The following ITPR2 variants were observed in gnomAD, a reference collection of about 807,000 sequenced individuals.
The protein encoded by ITPR2 is inositol 1,4,5-trisphosphate-gated calcium channel ITPR2.
Under a neutral mutation model 317.1 loss-of-function variants are expected in ITPR2, and 207 were observed. That is an observed-to-expected ratio of 0.65 (90% confidence interval 0.58 to 0.73). The LOEUF is 0.73. Among genes scored for constraint, ITPR2 ranks in the 30% least tolerant of loss-of-function variants. ITPR2 has a pLI of 0.00. For synonymous variants in ITPR2, 1,156 were observed against 1,149.1 expected, an observed-to-expected ratio of 1.01 and a Z score of -0.12; for missense variants, 2,613 against 3,284.0, an observed-to-expected ratio of 0.80 and a Z score of 4.99.
intron 37 of ITPR2, among the ~76,000 whole-genome samples, chr12:26,497,498 T>C (rs902388212): frequency 2.3e-4 from 8 of 34,620 alleles, no homozygotes; most frequent in Non-Finnish European, 5.5e-4. Flanking sequence ...TCAATTGTTT[T>C]AGGCACCATT....
chr12:26,639,159 C>A (rs1261390041), intron 21 of ITPR2, among the ~76,000 whole-genome samples: 1 of 152,092 alleles, frequency 6.6e-6, no homozygotes, highest in African/African-American at 2.4e-5. Context: ...GATGTGCTAG[C>A]CATTTTCAAG....
chr12:26,651,966 T>A (rs941713688), intron 21 of ITPR2, among the ~76,000 whole-genome samples: 1 of 152,218 alleles, frequency 6.6e-6, no homozygotes, highest in South Asian at 2.1e-4. Context: ...ACCTTGTTCA[T>A]CCCTAGAAGC....
intron 54 of ITPR2, among the ~76,000 whole-genome samples, chr12:26,393,869 A>G (rs1162468755): frequency 6.6e-6 from 1 of 152,226 alleles, no homozygotes; most frequent in Non-Finnish European, 1.5e-5. Flanking sequence ...AGTATATACA[A>G]TCTCAATATT....
chr12:26,703,875 G>C (rs891598318), intron 9 of ITPR2, among the ~76,000 whole-genome samples: 1 of 152,302 alleles, frequency 6.6e-6, no homozygotes, highest in East Asian at 1.9e-4. Context: ...TTTCATTGCA[G>C]GGAACAAAAT....
chr12:26,487,106 T>C lies in ITPR2; in HGVS notation c.5516A>G (p.Asp1839Gly). Reference sequence around the variant, plus strand: ...ACCAGATGTCATCAATTCATTGTCATCGTCCCTTTTTTTGTTACCTAAATC... The same window carrying C: ...ACCAGATGTCATCAATTCATTGTCACCGTCCCTTTTTTTGTTACCTAAATC... Reference protein sequence around the residue: ...TIDLGNKKRDDDNELMTSGPR... With the variant: ...TIDLGNKKRDGDNELMTSGPR... Residue 1839 changes from aspartate to glycine, a missense_variant, in exon 40 of 57, where the codon GAT (aspartate) becomes GGT (glycine). Asp to Gly is a moderately conservative substitution (Grantham distance 94). Coordinates refer to ENST00000381340, the MANE Select transcript of ITPR2 (RefSeq NM_002223.4). 2 of 1,612,396 alleles carry C rather than the reference T, an allele frequency of 1.2e-6. No homozygotes were observed. Among genetic ancestry groups the C allele is most frequent in the Non-Finnish European group, 1.7e-6 (2 of 1,179,506 alleles).
intron 14 of ITPR2, among the ~76,000 whole-genome samples, chr12:26,664,131 AT>A (rs1361920370): frequency 6.6e-6 from 1 of 152,198 alleles, no homozygotes; most frequent in African/African-American, 2.4e-5. Flanking sequence ...AAGATGTTCA[AT>A]TTCACCAAGT....
Position 26,508,077 on chromosome 12 carries a change from C to A in ITPR2, c.5074-12817G>T, listed in dbSNP as rs140316338. ...AACACTGAGCAAGCACATCTCTTTTCTGCTTTATTTCATTGATTCTAACAC... is the reference window on the plus strand; with the variant it reads ...AACACTGAGCAAGCACATCTCTTTTATGCTTTATTTCATTGATTCTAACAC... On this transcript the variant is annotated intron_variant, in intron 37 of 56. Transcript: ENST00000381340. Among the ~76,000 whole-genome samples, 67 of 152,210 alleles carry A rather than the reference C, an allele frequency of 4.4e-4. 1 individual carries two copies. Among genetic ancestry groups the A allele is most frequent in the African/African-American group, 1.5e-3 (62 of 41,534 alleles).
intron 45 of ITPR2, among the ~76,000 whole-genome samples, chr12:26,469,387 A>T (rs1246297361): frequency 1.3e-5 from 2 of 152,136 alleles, no homozygotes; most frequent in African/African-American, 2.4e-5. Flanking sequence ...AAATATGCCA[A>T]GTTCATTGCC....
intron 26 of ITPR2, among the ~76,000 whole-genome samples, chr12:26,611,659 T>C (rs998575339): frequency 3.9e-5 from 6 of 152,034 alleles, no homozygotes; most frequent in African/African-American, 1.4e-4. Context: ...AGAAACAAAA[T>C]CACTGTAAGA....
intron 26 of ITPR2, among the ~76,000 whole-genome samples, chr12:26,618,925 TACAG>T (rs1946432103): frequency 6.6e-6 from 1 of 152,208 alleles, no homozygotes; most frequent in African/African-American, 2.4e-5. Context: ...GTTTTAGAAA[TACAG>T]ACACATGGTA....
intron 2 of ITPR2, among the ~76,000 whole-genome samples, chr12:26,783,402 C>A (rs1452248278): frequency 1.3e-5 from 2 of 152,310 alleles, no homozygotes; most frequent in East Asian, 3.9e-4. Context: ...TCCCTCCACC[C>A]TCCAGGAAAT....
At chr12:26,617,322 T>C (rs1946393233) in intron 26 of ITPR2, among the ~76,000 whole-genome samples, 2 of 152,144 alleles carry the variant, frequency 1.3e-5, no homozygotes, top group Admixed American at 6.5e-5. Context: ...GCCAATAAAT[T>C]CGAAGATTTC....
intron 21 of ITPR2, among the ~76,000 whole-genome samples, chr12:26,640,334 G>A (rs116280706): frequency 3.8e-4 from 58 of 151,318 alleles, no homozygotes; most frequent in African/African-American, 1.0e-3. Context: ...GTAACAAACC[G>A]CTACGTCCTA....
At chr12:26,535,943 C>T (rs547324779) in intron 37 of ITPR2, among the ~76,000 whole-genome samples, 2 of 152,254 alleles carry the variant, frequency 1.3e-5, no homozygotes, top group South Asian at 2.1e-4. Flanking sequence ...CGTCCATGAT[C>T]GAAGAACAAA....
At chr12:26,499,535 A>G (rs1026016359) in intron 37 of ITPR2, among the ~76,000 whole-genome samples, 2 of 152,222 alleles carry the variant, frequency 1.3e-5, no homozygotes, top group African/African-American at 4.8e-5. Flanking sequence ...GATTTCTGTG[A>G]TAATTAAATA....
chr12:26,570,854 C>A (rs1004153140), intron 34 of ITPR2, among the ~76,000 whole-genome samples: 1 of 152,164 alleles, frequency 6.6e-6, no homozygotes, highest in Admixed American at 6.5e-5. Context: ...ATTCGCATAG[C>A]CTTAATGCCC....
At chr12:26,547,901 A>T (rs956408197) in intron 37 of ITPR2, among the ~76,000 whole-genome samples, 4 of 152,178 alleles carry the variant, frequency 2.6e-5, no homozygotes, top group African/African-American at 9.6e-5. Context: ...AAGTATACTA[A>T]CCTTTCTTAA....
chr12:26,605,513 A>G (rs986421688), intron 26 of ITPR2, among the ~76,000 whole-genome samples: 2 of 152,190 alleles, frequency 1.3e-5, no homozygotes, highest in African/African-American at 4.8e-5. Flanking sequence ...TAGAAAAGAG[A>G]TATTTTTTAT....
intron 43 of ITPR2, among the ~76,000 whole-genome samples, chr12:26,479,144 GAAAA>G (rs11322201): frequency 2.8e-5 from 4 of 140,854 alleles, no homozygotes; most frequent in East Asian, 2.0e-4. Flanking sequence ...CATTCACTAA[GAAAA>G]AAAAAAAAAA....
Sources: allele counts gnomAD v4.1 joint callset (sites outside exome capture counted in the v4.1 genomes callset), GRCh38; gene constraint gnomAD v4.1.1; transcripts MANE v1.5; gene names NCBI Gene and HGNC (gene_info 2026-07-23, HGNC 2026-07-21).